The following MYH7B variants were observed in gnomAD, a reference collection of about 807,000 sequenced individuals.
MYH7B encodes the protein myosin heavy chain 7B.
MYH7B carries 205 observed loss-of-function variants against 234.5 expected under a neutral mutation model. The ratio of observed to expected loss-of-function variants is 0.87; its 90% CI spans 0.78 to 0.98. MYH7B has a LOEUF of 0.98. MYH7B is among the 50% of genes least tolerant of loss of function. MYH7B has a pLI of 0.00. For synonymous variants in MYH7B, 1,193 were observed against 1,105.0 expected (o/e 1.08, Z -1.58); for missense variants, 2,652 against 2,633.4 (o/e 1.01, Z -0.15).
At chr20:35,000,675 C>T (rs1341130532) in exon 39 of MYH7B, 11 of 1,591,526 alleles carry the variant, frequency 6.9e-6, no homozygotes, top group Non-Finnish European at 6.8e-6. Flanking sequence ...GCGCCTCAAC[C>T]TTCTGCATTC....
Position 34,995,388 on chromosome 20 carries a change from C to T in MYH7B, c.2753C>T (p.Ser918Phe), listed in dbSNP as rs1353056025. Residue 918 changes from serine (S) to phenylalanine (F), a missense_variant, in exon 28 of 45, where the codon TCC (serine) becomes TTC (phenylalanine). By Grantham distance (155) the Ser-to-Phe change is radical. Around this residue, in one of 3 missense-constraint regions of MYH7B, gnomAD observed 2,279 missense variants for 2,211.4 expected, o/e 1.03. Coordinates refer to ENST00000262873, the Ensembl canonical transcript of MYH7B. Reference sequence around the variant, plus strand: ...GAGCGCTGCCACTTGCTGATCAAGTCCAAGGTGCAGCTGGAGGGGAAGGTG... The same window carrying T: ...GAGCGCTGCCACTTGCTGATCAAGTTCAAGGTGCAGCTGGAGGGGAAGGTG... 13 of 1,613,886 alleles carry T rather than the reference C, an allele frequency of 8.1e-6. No individual in the cohort carries two copies. In the Admixed American group the frequency reaches 1.5e-4, roughly 19 times the overall value.
At position 35,001,059 on chromosome 20, in the gene MYH7B, G is replaced by A. The variant is rs368513620; in HGVS notation, c.5376G>A (p.Thr1792=). The A allele has an allele frequency of 5.0e-6, 8 of 1,613,846 alleles. No individual in the cohort carries two copies. The highest frequency in any genetic ancestry group is 3.3e-5 in the Admixed American group (2 of 60,036). The change falls in exon 41 of 45, where the codon ACG becomes ACA. Residue 1792 remains threonine, a synonymous_variant. Transcript: ENST00000262873. ...CACACCTGGAACGGATGAAGAAGAC[G>A]CTGGAGCAGACGGTGCGCGAGCTCC...
chr20:34,988,105 A>T, exon 19 of MYH7B: 1 of 1,613,592 alleles, frequency 6.2e-7, no homozygotes, highest in Non-Finnish European at 8.5e-7. Context: ...AACAGCTTCG[A>T]ACAGCTGTGC....
chr20:34,981,406 T>A, intron 9 of MYH7B: 1 of 306,706 alleles, frequency 3.3e-6, no homozygotes, highest in East Asian at 9.3e-5. Flanking sequence ...TTCCTCCTTT[T>A]TACCATCTAC....
chr20:34,987,752 C>G lies in MYH7B; in HGVS notation c.1267-13C>G. 1 of 1,614,146 alleles carries G rather than the reference C, an allele frequency of 6.2e-7. No individual in the cohort carries two copies. The highest frequency in any genetic ancestry group is 8.5e-7 in the Non-Finnish European group (1 of 1,180,000). On this transcript the variant is annotated splice_polypyrimidine_tract_variant and intron_variant, in intron 17 of 44. Transcript: ENST00000262873. Reference sequence around the variant, plus strand: ...CCTTGCCAGGTCCCAGCCCAGCCTCCCTGCACCTCCAGGTGGTGTTTGCTG... The same window carrying G: ...CCTTGCCAGGTCCCAGCCCAGCCTCGCTGCACCTCCAGGTGGTGTTTGCTG...
chr20:34,993,599 T>G (rs1600458346), intron 26 of MYH7B, 129 bp downstream of exon 26: 4 of 1,089,086 alleles, frequency 3.7e-6, no homozygotes, highest in South Asian at 3.4e-5. Flanking sequence ...TGGGGCAAGG[T>G]TCTGTTCTGT....
intron 5 of MYH7B, 73 bp downstream of exon 5, chr20:34,978,169 G>A: frequency 1.3e-6 from 2 of 1,573,966 alleles, no homozygotes; most frequent in Non-Finnish European, 1.7e-6. Context: ...GAATTGGGAG[G>A]GGTGGCACCA....
intron 9 of MYH7B, 147 bp downstream of exon 9, chr20:34,981,207 A>ATTAGGCCTGAGC: frequency 1.0e-6 from 1 of 985,250 alleles, no homozygotes; most frequent in East Asian, 2.5e-5. Context: ...CTGAAGCTAA[A>ATTAGGCCTGAGC]TTAGGCCTGA....
At chr20:34,970,994 G>A (rs1053887514) in intron 2 of MYH7B, among the ~76,000 whole-genome samples, 1 of 152,090 alleles carries the variant, frequency 6.6e-6, no homozygotes, top group East Asian at 1.9e-4. Flanking sequence ...GGGTGCTGGG[G>A]TCTGGAGCAC....
At chr20:34,995,404 G>A in exon 28 of MYH7B, 1 of 1,614,042 alleles carries the variant, frequency 6.2e-7, no homozygotes, top group Non-Finnish European at 8.5e-7. Flanking sequence ...TGCAGCTGGA[G>A]GGGAAGGTGA....
exon 45 of MYH7B, chr20:35,002,255 C>G: frequency 6.7e-7 from 1 of 1,485,908 alleles, no homozygotes; most frequent in East Asian, 2.3e-5. Context: ...GCCACCTGCC[C>G]CGATCCTGCC....
At chr20:34,997,514 G>A (rs560769773) in exon 32 of MYH7B, 17 of 1,597,546 alleles carry the variant, frequency 1.1e-5, no homozygotes, top group Admixed American at 1.0e-4. Context: ...CGGAGGGCGC[G>A]GCGGAGCTGG....
At chr20:34,957,740 C>G (rs2081655115) in intron 1 of MYH7B, among the ~76,000 whole-genome samples, 1 of 152,052 alleles carries the variant, frequency 6.6e-6, no homozygotes, top group Admixed American at 6.6e-5. Flanking sequence ...TCCACCCGCC[C>G]CAGCCTCCCA....
rs201712534 is a variant in MYH7B, at chr20:34,995,575, C to T, written c.2940C>T (p.Asn980=). The change falls in exon 28 of 45, where the codon AAC becomes AAT. Residue 980 remains asparagine, a synonymous_variant. Transcript: ENST00000262873. ...AGAAGGAGAAGCAAGCCACTGAGAA[C>T]AAGGTGTGGGCCGGGCCAGCTGTGG... The T allele has an allele frequency of 2.2e-4, 360 of 1,613,858 alleles. 1 individual carries two copies. The highest frequency in any genetic ancestry group is 1.8e-4 in the Admixed American group (11 of 60,008).
rs2081838928 is a variant in MYH7B at position 34,975,404 on chromosome 20, G to A, written c.-217G>A. ...TTGTTTGTTTGTTTGTTGTAGAGATGGGGTTTTGATGTGTTGCCCAGGCTG... is the reference window on the plus strand; with the variant it reads ...TTGTTTGTTTGTTTGTTGTAGAGATAGGGTTTTGATGTGTTGCCCAGGCTG... On this transcript the variant is annotated 5_prime_UTR_variant, in exon 3 of 45. It removes an upstream start codon present in the reference 5' UTR. Coordinates refer to ENST00000262873, the Ensembl canonical transcript of MYH7B. 1.6e-6 allele frequency: 1 copy of A among 618,662 alleles called. No individual in the cohort carries two copies. Among genetic ancestry groups the A allele is most frequent in the Non-Finnish European group, 3.0e-6 (1 of 336,476 alleles). 38.3% of individuals were successfully genotyped at this position (618,662 alleles called of 1,614,324 possible).
At chr20:34,959,069 G>A (rs754478451) in intron 2 of MYH7B, among the ~76,000 whole-genome samples, 18 of 152,206 alleles carry the variant, frequency 1.2e-4, no homozygotes, top group African/African-American at 2.9e-4. Flanking sequence ...GGTAGAAATC[G>A]TATCTCCATT....
At chr20:35,001,182 T>G in intron 41 of MYH7B, 24 bp downstream of exon 41, 1 of 1,609,058 alleles carries the variant, frequency 6.2e-7, no homozygotes, top group Non-Finnish European at 8.5e-7. Context: ...CTCTAGTCCT[T>G]GGCGCAGGCA....
chr20:35,000,274 T>C lies in MYH7B; in HGVS notation c.4782-19T>C, dbSNP rs562883053. 8 of 1,548,476 alleles carry C rather than the reference T, an allele frequency of 5.2e-6. No homozygotes were observed. Among genetic ancestry groups the C allele is most frequent in the Middle Eastern group, 1.7e-4 (1 of 5,832 alleles). ...TATGCCCTTACGAGACCCCCTTTCA[T>C]GCCACCCTCCTCCCATAGGCGCAAC... On this transcript the variant is annotated intron_variant, in intron 38 of 44. Coordinates refer to ENST00000262873, the Ensembl canonical transcript of MYH7B.
Position 34,990,314 on chromosome 20 carries a change from AG to A in MYH7B, c.1977+6del. 1 of 1,614,144 alleles carries A rather than the reference AG, an allele frequency of 6.2e-7. No individual in the cohort carries two copies. Among genetic ancestry groups the A allele is most frequent in the Non-Finnish European group, 8.5e-7 (1 of 1,180,026 alleles). Reference sequence around the variant, plus strand: ...GACGGTGTCCCAGCTGCACAAGGTAAGGCCCCATCTGGGAGACAGACCCTCC... The same window carrying A: ...GACGGTGTCCCAGCTGCACAAGGTAAGCCCCATCTGGGAGACAGACCCTCC... On this transcript the variant is annotated splice_donor_5th_base_variant and intron_variant, in intron 22 of 44. Transcript: ENST00000262873.
Sources: gnomAD v4.1 joint callset for allele counts (sites outside exome capture counted in the v4.1 genomes callset) on GRCh38, gnomAD v4.1.1 for gene constraint, gnomAD v4.1.1 regional missense constraint, MANE v1.5 for transcripts, NCBI Gene and HGNC (gene_info 2026-07-23, HGNC 2026-07-21) for gene names.